IGF2BP2: variants seen among roughly 807,000 people sequenced by gnomAD.
IGF2BP2 encodes insulin-like growth factor 2 mRNA-binding protein 2.
Under a neutral mutation model 75.8 loss-of-function variants are expected in IGF2BP2, and 17 were observed. That is an observed-to-expected ratio of 0.22 (90% CI 0.15 to 0.34). The LOEUF (loss-of-function observed/expected upper bound fraction) is 0.34, where lower values mean the gene tolerates loss of function less well. Among genes scored for constraint, IGF2BP2 ranks in the 10% least tolerant of loss-of-function variants. The pLI, the probability that IGF2BP2 is intolerant of heterozygous loss-of-function variation, is 1.00. For missense variants in IGF2BP2, 516 were observed against 772.4 expected, an observed-to-expected ratio of 0.67 and a Z score of 3.93; for synonymous variants, 288 against 295.6, an observed-to-expected ratio of 0.97 and a Z score of 0.26.
At chr3:185,793,129 C>G (rs1736872307) in intron 2 of IGF2BP2, among the ~76,000 whole-genome samples, 1 of 152,148 alleles carries the variant, frequency 6.6e-6, no homozygotes, top group South Asian at 2.1e-4. Context: ...TATCTTACTG[C>G]GCAATTATAT....
chr3:185,768,546 G>C (rs979849339), intron 2 of IGF2BP2, among the ~76,000 whole-genome samples: 1 of 152,022 alleles, frequency 6.6e-6, no homozygotes, highest in Non-Finnish European at 1.5e-5. Context: ...ATTATATTTT[G>C]AATATGTATA....
intron 2 of IGF2BP2, among the ~76,000 whole-genome samples, chr3:185,704,486 G>A (rs976798765): frequency 6.6e-6 from 1 of 152,042 alleles, no homozygotes; most frequent in African/African-American, 2.4e-5. Flanking sequence ...GTCTTGCTCT[G>A]TCACCCATGC....
intron 10 of IGF2BP2, among the ~76,000 whole-genome samples, chr3:185,665,320 A>AAGG (rs773580962): frequency 0.03 from 1,506 of 50,070 alleles, 68 homozygotes; most frequent in East Asian, 0.062. Flanking sequence ...GCAGAAGGAG[A>AAGG]AGGAGGAGGA....
At chr3:185,794,667 C>A (rs1369822064) in intron 2 of IGF2BP2, among the ~76,000 whole-genome samples, 23 of 148,458 alleles carry the variant, frequency 1.5e-4, no homozygotes, top group Non-Finnish European at 2.5e-4. Flanking sequence ...AAAAAAAAAA[C>A]CCATAAAATT....
rs781431632 is a variant in IGF2BP2, at chr3:185,687,065, C to T, written c.804G>A (p.Glu268=). The change falls in exon 7 of 16, where the codon GAG becomes GAA. Residue 268 remains glutamate, a synonymous_variant. Coordinates refer to ENST00000382199, the MANE Select transcript of IGF2BP2 (RefSeq NM_006548.6). ...ILEIMQKEAD[E]TKLAEEIPLK... The stretch of plus-strand genomic sequence containing the variant: ...ATTGCATGCAAACTTACAGTTTGGT[C>T]TCATCTGCCTCTTTCTGCATGATTT... 12 of 1,612,306 alleles carry T rather than the reference C, an allele frequency of 7.4e-6. No homozygotes were observed. The highest frequency in any genetic ancestry group is 4.0e-5 in the African/African-American group (3 of 74,818).
chr3:185,653,602 G>A (rs1157776468), intron 12 of IGF2BP2, among the ~76,000 whole-genome samples: 4 of 151,406 alleles, frequency 2.6e-5, no homozygotes, highest in Non-Finnish European at 5.9e-5. Flanking sequence ...GACAGAGCGA[G>A]ACTCCGTCTT....
chr3:185,691,639 G>A (rs528790768), intron 5 of IGF2BP2, among the ~76,000 whole-genome samples: 96 of 152,128 alleles, frequency 6.3e-4, no homozygotes, highest in Middle Eastern at 3.4e-3. Flanking sequence ...AAAGATGGGG[G>A]TCTCATTATT....
At chr3:185,798,368 C>T (rs1737723087) in intron 2 of IGF2BP2, among the ~76,000 whole-genome samples, 1 of 152,180 alleles carries the variant, frequency 6.6e-6, no homozygotes, top group South Asian at 2.1e-4. Flanking sequence ...TTTTTAGAGA[C>T]TTAGGCTATC....
At chr3:185,820,204 ATG>A (rs377455853) in intron 2 of IGF2BP2, among the ~76,000 whole-genome samples, 9 of 137,054 alleles carry the variant, frequency 6.6e-5, no homozygotes, top group Admixed American at 1.4e-4. Flanking sequence ...GGCATGCAGT[ATG>A]TGTGTGTGTG....
intron 2 of IGF2BP2, among the ~76,000 whole-genome samples, chr3:185,735,147 CT>C (rs11314977): frequency 0.35 from 48,337 of 136,560 alleles, 6,628 homozygotes; most frequent in East Asian, 0.68. Context: ...CATTTAAATC[CT>C]TTTTTTTTTT....
rs577360024 is a variant in IGF2BP2, at chr3:185,685,489, C to T, written c.812+1568G>A. On this transcript the variant is annotated intron_variant, in intron 7 of 15. Transcript: ENST00000382199. ...ATTCATAATAGAAAGGATAGAGTCTCTTATGAAATCTAAGAATAGATTTGT... is the reference window on the plus strand; with the variant it reads ...ATTCATAATAGAAAGGATAGAGTCTTTTATGAAATCTAAGAATAGATTTGT... Among the ~76,000 whole-genome samples the T allele has an allele frequency of 2.6e-3, 389 of 152,254 alleles. 3 individuals carry two copies. The highest frequency in any genetic ancestry group is 3.7e-3 in the South Asian group (18 of 4,812).
At chr3:185,785,060 G>A (rs530131599) in intron 2 of IGF2BP2, among the ~76,000 whole-genome samples, 3 of 152,230 alleles carry the variant, frequency 2.0e-5, no homozygotes, top group Non-Finnish European at 4.4e-5. Context: ...CAGCATTTTG[G>A]GAGGCAGGGG....
chr3:185,797,891 G>T (rs1159397422), intron 2 of IGF2BP2, among the ~76,000 whole-genome samples: 1 of 108,832 alleles, frequency 9.2e-6, no homozygotes, highest in South Asian at 3.2e-4. Context: ...GTGAGACCCT[G>T]TCTCTTAAAA....
intron 2 of IGF2BP2, among the ~76,000 whole-genome samples, chr3:185,757,816 C>T (rs1001402281): frequency 6.6e-6 from 1 of 152,136 alleles, no homozygotes; most frequent in African/African-American, 2.4e-5. Context: ...AGTATAGTGC[C>T]AGGCACATAG....
intron 2 of IGF2BP2, among the ~76,000 whole-genome samples, chr3:185,736,753 C>T (rs1209694477): frequency 6.6e-6 from 1 of 152,224 alleles, no homozygotes; most frequent in Non-Finnish European, 1.5e-5. Context: ...GCTTCACGGG[C>T]AGTCTCTGCG....
chr3:185,814,202 CCCTT>C (rs1459007088), intron 2 of IGF2BP2: 1 of 152,240 alleles, frequency 6.6e-6, no homozygotes, highest in East Asian at 1.9e-4. Context: ...TTTCCCTCCT[CCCTT>C]CCTTCTTTCT....
Position 185,644,104 on chromosome 3 carries a change from ATATCT to A in IGF2BP2, c.*1422_*1426del, listed in dbSNP as rs1005873102. ...GTCACCTTCTCCAGGCTGGCAGTTGATATCTTATTTTTTTTCCAACTCATTTTTAT... is the reference window on the plus strand; with the variant it reads ...GTCACCTTCTCCAGGCTGGCAGTTGATATTTTTTTTCCAACTCATTTTTAT... On this transcript the variant is annotated 3_prime_UTR_variant, in exon 16 of 16. Coordinates refer to ENST00000382199, the MANE Select transcript of IGF2BP2 (RefSeq NM_006548.6). 7 of 152,288 alleles carry A rather than the reference ATATCT, an allele frequency of 4.6e-5. No homozygotes were observed. Among genetic ancestry groups the A allele is most frequent in the Non-Finnish European group, 1.0e-4 (7 of 67,988 alleles). 9.4% of individuals were successfully genotyped at this position (152,288 alleles called of 1,614,324 possible). A position where few individuals can be genotyped will look rare whatever the true frequency, so the allele number is the denominator to read the frequency against.
At chr3:185,774,855 A>G (rs1734340542) in intron 2 of IGF2BP2, among the ~76,000 whole-genome samples, 1 of 151,966 alleles carries the variant, frequency 6.6e-6, no homozygotes, top group Non-Finnish European at 1.5e-5. Context: ...CCCCGTCTCT[A>G]CTAAAAATAC....
chr3:185,714,384 G>C (rs1725279533), intron 2 of IGF2BP2, among the ~76,000 whole-genome samples: 1 of 152,052 alleles, frequency 6.6e-6, no homozygotes, highest in Non-Finnish European at 1.5e-5. Flanking sequence ...CTATCATCTA[G>C]CTATCCATCC....
Sources: gnomAD v4.1 joint callset for allele counts (sites outside exome capture counted in the v4.1 genomes callset) on GRCh38, gnomAD v4.1.1 for gene constraint, MANE v1.5 for transcripts, NCBI Gene and HGNC (gene_info 2026-07-23, HGNC 2026-07-21) for gene names.